Variants in RRBP1 observed in about 807,000 individuals in gnomAD.
The protein encoded by RRBP1 is ribosome-binding protein 1.
RRBP1 carries 94 observed loss-of-function variants against 165.2 expected under a neutral mutation model. That is an observed-to-expected ratio of 0.57 (90% CI 0.48 to 0.68). The LOEUF (loss-of-function observed/expected upper bound fraction) is 0.68. Among genes scored for constraint, RRBP1 ranks in the 30% least tolerant of loss-of-function variants. The pLI, the probability that RRBP1 is intolerant of heterozygous loss-of-function variation, is 0.00. For missense variants in RRBP1, 1,676 were observed against 1,763.0 expected (o/e 0.95, Z 0.88); for synonymous variants, 680 against 714.5 (o/e 0.95, Z 0.77).
chr20:17,640,904 C>A (rs1173655920), intron 5 of RRBP1, among the ~76,000 whole-genome samples: 1 of 152,250 alleles, frequency 6.6e-6, no homozygotes, highest in Non-Finnish European at 1.5e-5. Flanking sequence ...GGCTGTAGCC[C>A]AGACACTGTT....
At position 17,621,663 on chromosome 20, in the gene RRBP1, G is replaced by A. The variant is rs752300779; in HGVS notation, c.3324+27C>T. The A allele has an allele frequency of 2.9e-5, 47 of 1,610,700 alleles. No individual in the cohort carries two copies. In the African/African-American group the frequency reaches 6.0e-4, roughly 21 times the overall value. The stretch of plus-strand genomic sequence containing the variant: ...CCTGGGGACAGGGGAGCCCAACAGA[G>A]GAGCCTTGCCAGGCAGCCACACTTA... On this transcript the variant is annotated intron_variant, in intron 15 of 24. Transcript: ENST00000377813.
chr20:17,618,219 C>G (rs1371284913), intron 20 of RRBP1, among the ~76,000 whole-genome samples: 1 of 152,224 alleles, frequency 6.6e-6, no homozygotes, highest in African/African-American at 2.4e-5. Context: ...GTGGCCAGGC[C>G]AGGAGGAACC....
intron 11 of RRBP1, 67 bp downstream of exon 11, chr20:17,627,281 C>G: frequency 6.5e-7 from 1 of 1,548,998 alleles, no homozygotes. Context: ...AAACCCTGGC[C>G]CCCCAAGGGT....
chr20:17,652,323 A>C (rs1456091166), intron 3 of RRBP1, among the ~76,000 whole-genome samples: 1 of 152,130 alleles, frequency 6.6e-6, no homozygotes, highest in Non-Finnish European at 1.5e-5. Flanking sequence ...GGAATCTTTA[A>C]TTTTATTTAC....
intron 8 of RRBP1, among the ~76,000 whole-genome samples, chr20:17,632,514 C>T (rs2036169616): frequency 6.6e-6 from 1 of 152,214 alleles, no homozygotes. Flanking sequence ...CAAACTGTTT[C>T]TTTGTCCATG....
chr20:17,621,585 A>G (rs761031607), intron 15 of RRBP1, 38 bp from the exon 16 acceptor site: 9 of 1,596,260 alleles, frequency 5.6e-6, no homozygotes, highest in Non-Finnish European at 6.9e-6. Flanking sequence ...TTAGCCACAC[A>G]CAAAGGTTCT....
chr20:17,615,644 A>G lies in RRBP1; in HGVS notation c.3952-115T>C, dbSNP rs574955890. The G allele has an allele frequency of 4.9e-3, 3,539 of 723,158 alleles. 20 individuals are homozygous for G. Among genetic ancestry groups the G allele is most frequent in the Non-Finnish European group, 5.9e-3 (2,674 of 455,432 alleles). 44.8% of individuals were successfully genotyped at this position (723,158 alleles called of 1,614,324 possible). A position where few individuals can be genotyped will look rare whatever the true frequency, so the allele number is the denominator to read the frequency against. ...GGCCCCCCCAGCCTGATGGAGCAAC[A>G]GCTCCATCCTGTAGCTGGAATGAGT... is the stretch of plus-strand genomic sequence containing the variant. On this transcript the variant is annotated intron_variant, in intron 22 of 24. Transcript: ENST00000377813.
chr20:17,635,680 C>T lies in RRBP1; in HGVS notation c.2338-16G>A, dbSNP rs2036234504. Reference sequence around the variant, plus strand: ...GAGTCCGGATCTGGAAAGTCACGGGCAAGGGCATCAGAGGCAGCTCGGCCT... The same window carrying T: ...GAGTCCGGATCTGGAAAGTCACGGGTAAGGGCATCAGAGGCAGCTCGGCCT... On this transcript the variant is annotated splice_polypyrimidine_tract_variant and intron_variant, in intron 6 of 24. Transcript: ENST00000377813. 2 of 1,601,136 alleles carry T rather than the reference C, an allele frequency of 1.2e-6. No homozygotes were observed. Among genetic ancestry groups the T allele is most frequent in the Non-Finnish European group, 1.7e-6 (2 of 1,169,266 alleles).
intron 5 of RRBP1, 35 bp from the exon 6 acceptor site, chr20:17,636,764 G>A: frequency 6.2e-7 from 1 of 1,610,230 alleles, no homozygotes; most frequent in Non-Finnish European, 8.5e-7. Context: ...GGGCTGGTAA[G>A]CCTTGCAGGG....
chr20:17,634,140 CAGA>C (rs1194891870), intron 7 of RRBP1, among the ~76,000 whole-genome samples: 2 of 152,208 alleles, frequency 1.3e-5, no homozygotes, highest in Admixed American at 6.5e-5. Context: ...TCCGGAGTTA[CAGA>C]AGGAGACTTA....
Position 17,635,616 on chromosome 20 carries a change from C to T in RRBP1, c.2386G>A (p.Ala796Thr). 2 of 1,613,428 alleles carry T rather than the reference C, an allele frequency of 1.2e-6. No homozygotes were observed. Among genetic ancestry groups the T allele is most frequent in the Non-Finnish European group, 1.7e-6 (2 of 1,179,886 alleles). ...QLENGPNTQL[A>T]RLQQENSILR... The stretch of plus-strand genomic sequence containing the variant: ...ATGGAGTTCTCCTGCTGCAGGCGGG[C>T]CAGCTGCGTGTTGGGGCCATTCTCC... The change falls in exon 7 of 25, where the codon GCC (alanine) becomes ACC (threonine). Residue 796 changes from alanine to threonine, a missense_variant. Ala to Thr is a moderately conservative substitution (Grantham distance 58). This residue lies in a region of RRBP1 where 1,184 missense variants were observed against 1,167.1 expected (regional missense o/e 1.01). Transcript: ENST00000377813.
At chr20:17,662,701 TCGCAC>T (rs1029021586) in intron 2 of RRBP1, among the ~76,000 whole-genome samples, 30 of 151,926 alleles carry the variant, frequency 2.0e-4, no homozygotes, top group Non-Finnish European at 3.8e-4. Context: ...AAAAAGGAAA[TCGCAC>T]CCTGCTCAGC....
chr20:17,632,185 C>A (rs1568763138), intron 8 of RRBP1, among the ~76,000 whole-genome samples: 1 of 152,184 alleles, frequency 6.6e-6, no homozygotes. Context: ...ACTTGACAGG[C>A]ACAGAATCTT....
At chr20:17,675,149 G>A (rs913004278) in intron 2 of RRBP1, among the ~76,000 whole-genome samples, 33 of 152,218 alleles carry the variant, frequency 2.2e-4, no homozygotes, top group African/African-American at 5.1e-4. Flanking sequence ...CCCAGCCTCC[G>A]CTGGAAGGGC....
intron 3 of RRBP1, among the ~76,000 whole-genome samples, chr20:17,647,895 G>A (rs532671609): frequency 5.3e-5 from 8 of 152,288 alleles, no homozygotes; most frequent in East Asian, 3.9e-4. Context: ...AAGCCAGATC[G>A]CAATCTTGGC....
chr20:17,681,170 G>A (rs1349730759), intron 1 of RRBP1, among the ~76,000 whole-genome samples: 1 of 149,904 alleles, frequency 6.7e-6, no homozygotes, highest in Non-Finnish European at 1.5e-5. Context: ...GCCCGGGGCT[G>A]GCACCGCCGG....
At position 17,643,072 on chromosome 20, in the gene RRBP1, C is replaced by T. The variant is rs200314039; in HGVS notation, c.1968G>A (p.Thr656=). The T allele has an allele frequency of 4.1e-5, 66 of 1,614,086 alleles. No homozygotes were observed. In the African/African-American group the frequency reaches 4.5e-4, roughly 11 times the overall value. ...LYLPYKTLVS[T]VGSMVFNEGE... ...CCTCGTTGAACACCATGCTCCCAAC[C>T]GTGGAGACCAGCGTCTTGTAGGGGA... Residue 656 remains threonine, a synonymous_variant, in exon 4 of 25, where the codon ACG becomes ACA. Coordinates refer to ENST00000377813, the MANE Select transcript of RRBP1 (RefSeq NM_001365613.2). The surrounding 1 kb of genome is among the most constrained non-coding windows in gnomAD (Gnocchi z 4.3).
At chr20:17,624,333 T>C (rs372158940) in intron 13 of RRBP1, among the ~76,000 whole-genome samples, 7 of 152,298 alleles carry the variant, frequency 4.6e-5, no homozygotes, top group East Asian at 3.9e-4. Context: ...TCCTAGTGCG[T>C]CTGTACGTCC....
Position 17,660,164 on chromosome 20 carries a change from G to A in RRBP1, c.344C>T (p.Pro115Leu), listed in dbSNP as rs757169933. Residue 115 changes from proline (P) to leucine (L), a missense_variant, in exon 3 of 25, where the codon CCC becomes CTC. This residue lies in a region of RRBP1 where 392 missense variants were observed against 382.5 expected (regional missense o/e 1.02). Transcript: ENST00000377813. ...TGTGGCGACAGGAGCAACGATAATG[G>A]GGGGCTGCACTGGGGTTGGAGCCAC... is the stretch of plus-strand genomic sequence containing the variant. Reference protein sequence around the residue: ...VAVAPTPVQPPIIVAPVATVP... With the variant: ...VAVAPTPVQPLIIVAPVATVP... 18 of 1,614,120 alleles carry A rather than the reference G, an allele frequency of 1.1e-5. No individual in the cohort carries two copies. The highest frequency in any genetic ancestry group is 1.5e-5 in the Non-Finnish European group (18 of 1,180,012).
Sources: gnomAD v4.1 joint callset for allele counts (sites outside exome capture counted in the v4.1 genomes callset) on GRCh38, gnomAD v4.1.1 for gene constraint, gnomAD v4.1.1 regional missense constraint, Gnocchi (gnomAD v3.1) non-coding constraint, MANE v1.5 for transcripts, NCBI Gene and HGNC (gene_info 2026-07-23, HGNC 2026-07-21) for gene names.